Variants in SLAIN1 observed in about 807,000 individuals in gnomAD.
SLAIN1 encodes SLAIN family member 1.
Under a neutral mutation model 55.4 loss-of-function variants are expected in SLAIN1, and 17 were observed. That is an observed-to-expected ratio of 0.31 (90% CI 0.21 to 0.46). The LOEUF is 0.46. SLAIN1 is among the 20% of genes least tolerant of loss of function. SLAIN1 has a pLI of 1.00. For synonymous variants in SLAIN1, 348 were observed against 337.4 expected, an observed-to-expected ratio of 1.03 and a Z score of -0.35; for missense variants, 682 against 785.1, an observed-to-expected ratio of 0.87 and a Z score of 1.57.
At chr13:77,735,878 C>T (rs1323726698) in intron 2 of SLAIN1, among the ~76,000 whole-genome samples, 2 of 151,962 alleles carry the variant, frequency 1.3e-5, no homozygotes, top group East Asian at 3.9e-4. Flanking sequence ...TTTCTAAAAT[C>T]TCCAGTGGAA....
chr13:77,721,997 T>G (rs1003467090), intron 2 of SLAIN1, among the ~76,000 whole-genome samples: 5 of 103,814 alleles, frequency 4.8e-5, no homozygotes, highest in African/African-American at 2.9e-4. Context: ...TAAGGTTAGG[T>G]TTTTTTTTCT....
intron 2 of SLAIN1, among the ~76,000 whole-genome samples, chr13:77,735,004 A>C (rs1315827984): frequency 6.6e-6 from 1 of 152,142 alleles, no homozygotes; most frequent in Non-Finnish European, 1.5e-5. Context: ...TGGGTGTCAG[A>C]GTGAGACTCA....
chr13:77,708,694 C>G (rs1251064062), intron 1 of SLAIN1, among the ~76,000 whole-genome samples: 1 of 152,142 alleles, frequency 6.6e-6, no homozygotes, highest in African/African-American at 2.4e-5. Context: ...GGAAAACTAA[C>G]AAACAGAAAG....
At chr13:77,745,213 T>A (rs1873731912) in intron 3 of SLAIN1, among the ~76,000 whole-genome samples, 1 of 151,764 alleles carries the variant, frequency 6.6e-6, no homozygotes, top group African/African-American at 2.4e-5. Context: ...AGCTTAATAC[T>A]CTCTCTATCT....
At chr13:77,719,424 T>C (rs2091240133) in intron 1 of SLAIN1, 108 bp from the exon 2 acceptor site, 1 of 711,068 alleles carries the variant, frequency 1.4e-6, no homozygotes, top group Non-Finnish European at 2.2e-6. Flanking sequence ...AGTCATCAAA[T>C]ATGAGTTCTG....
chr13:77,699,320 A>T (rs1594243995), intron 1 of SLAIN1: 1 of 247,842 alleles, frequency 4.0e-6, no homozygotes, highest in East Asian at 7.9e-5. Context: ...GAAAAGTGAG[A>T]TTAGAGAAGC....
At chr13:77,700,079 T>C (rs954716080) in intron 1 of SLAIN1, among the ~76,000 whole-genome samples, 2 of 152,206 alleles carry the variant, frequency 1.3e-5, no homozygotes, top group Non-Finnish European at 2.9e-5. Flanking sequence ...GCTTAAAATA[T>C]TTGCATTTTA....
At chr13:77,725,093 A>AT (rs1419821312) in intron 2 of SLAIN1, among the ~76,000 whole-genome samples, 2 of 152,162 alleles carry the variant, frequency 1.3e-5, no homozygotes, top group Non-Finnish European at 1.5e-5. Context: ...CAATGTAACT[A>AT]TTACTACTGT....
chr13:77,742,249 AT>A (rs1056014499), intron 2 of SLAIN1, among the ~76,000 whole-genome samples: 15 of 152,186 alleles, frequency 9.9e-5, no homozygotes, highest in African/African-American at 3.6e-4. Flanking sequence ...AATTTAAAAA[AT>A]AATATTAAAG....
At position 77,744,299 on chromosome 13, in the gene SLAIN1, C is replaced by G; in HGVS notation, c.783C>G (p.Gly261=). The G allele has an allele frequency of 6.2e-7, 1 of 1,612,614 alleles. No homozygotes were observed. Among genetic ancestry groups the G allele is most frequent in the Non-Finnish European group, 8.5e-7 (1 of 1,179,040 alleles). Residue 261 remains glycine (G), a synonymous_variant, in exon 3 of 7, where the codon GGC becomes GGG. Transcript: ENST00000418532. ...FRLEQGYTSR[G]SPLSPQSSID... ...GTGTTTCAGGTTACACTTCCAGGGG[C>G]TCCCCACTCAGTCCCCAGTCATCTA...
chr13:77,744,138 C>T (rs1228956720), intron 2 of SLAIN1, 145 bp from the exon 3 acceptor site: 8 of 689,880 alleles, frequency 1.2e-5, no homozygotes, highest in South Asian at 6.5e-5. Flanking sequence ...ATGATGTGCA[C>T]GTTGACCATT....
intron 1 of SLAIN1, among the ~76,000 whole-genome samples, chr13:77,701,781 TTA>T (rs1175152191): frequency 6.6e-6 from 1 of 151,930 alleles, no homozygotes; most frequent in Non-Finnish European, 1.5e-5. Flanking sequence ...TTTTTTATTA[TTA>T]TACTTTAAGT....
intron 1 of SLAIN1, among the ~76,000 whole-genome samples, chr13:77,699,855 G>T (rs963699702): frequency 7.4e-6 from 1 of 135,438 alleles, no homozygotes; most frequent in African/African-American, 3.1e-5. Context: ...CCTTATTTCT[G>T]TAAAGTAATC....
chr13:77,733,556 G>C (rs1264864902), intron 2 of SLAIN1, among the ~76,000 whole-genome samples: 2 of 152,148 alleles, frequency 1.3e-5, no homozygotes, highest in Non-Finnish European at 2.9e-5. Flanking sequence ...CTAACTTTCT[G>C]ATAAGTTTTT....
chr13:77,728,883 TA>T (rs1452763617), intron 2 of SLAIN1, among the ~76,000 whole-genome samples: 8 of 152,224 alleles, frequency 5.3e-5, no homozygotes, highest in Admixed American at 1.3e-4. Context: ...AACACAAAAT[TA>T]AAACTTAGTC....
chr13:77,753,098 G>T (rs1010561142), intron 4 of SLAIN1, 105 bp from the exon 5 acceptor site: 80 of 1,022,724 alleles, frequency 7.8e-5, no homozygotes, highest in Non-Finnish European at 1.0e-4. Flanking sequence ...GTAATAATTT[G>T]TATTTATTAT....
chr13:77,754,346 C>T (rs1334192676), intron 5 of SLAIN1, among the ~76,000 whole-genome samples: 1 of 152,146 alleles, frequency 6.6e-6, no homozygotes, highest in African/African-American at 2.4e-5. Flanking sequence ...ACTGTGCTAA[C>T]TAGTTTATAT....
rs777594903 is a variant in SLAIN1, at chr13:77,746,510, A to G, written c.917-4A>G. The G allele has an allele frequency of 4.4e-6, 7 of 1,591,278 alleles. No individual in the cohort carries two copies. Among genetic ancestry groups the G allele is most frequent in the Non-Finnish European group, 5.1e-6 (6 of 1,165,106 alleles). ...ACATTAGAGTACTATTTGTTATTTT[A>G]TAGGTCTCAGGCAAGATTATGCTTC... On this transcript the variant is annotated splice_region_variant and splice_polypyrimidine_tract_variant and intron_variant, in intron 3 of 6. Transcript: ENST00000418532.
At chr13:77,754,748 T>C (rs1218522071) in intron 5 of SLAIN1, among the ~76,000 whole-genome samples, 1 of 152,216 alleles carries the variant, frequency 6.6e-6, no homozygotes, top group African/African-American at 2.4e-5. Context: ...TGTTATTCAA[T>C]GTACCATGTT....
Sources: gnomAD v4.1 joint callset for allele counts (sites outside exome capture counted in the v4.1 genomes callset) on GRCh38, gnomAD v4.1.1 for gene constraint, MANE v1.5 for transcripts, NCBI Gene and HGNC (gene_info 2026-07-23, HGNC 2026-07-21) for gene names.